Variants in ZNF667 observed in about 807,000 individuals in gnomAD.
ZNF667 encodes myocardial ischemic preconditioning upregulated 1 ortholog.
ZNF667 carries 13 observed loss-of-function variants against 31.8 expected under a neutral mutation model. The observed-to-expected ratio is 0.41, with a 90% CI of 0.27 to 0.65. The LOEUF is 0.65. ZNF667 is among the 30% of genes least tolerant of loss of function. ZNF667 has a pLI of 0.32. For missense variants in ZNF667, 642 were observed against 725.6 expected (o/e 0.88, Z 1.32); for synonymous variants, 228 against 247.1 (o/e 0.92, Z 0.73).
chr19:56,459,737 T>C (rs570863890), intron 5 of ZNF667, among the ~76,000 whole-genome samples: 2 of 152,328 alleles, frequency 1.3e-5, no homozygotes, highest in Middle Eastern at 6.8e-3. Context: ...CTCATGCCTG[T>C]AATCCCAGCA....
chr19:56,463,468 G>A (rs1024505819), intron 3 of ZNF667, among the ~76,000 whole-genome samples: 3 of 152,144 alleles, frequency 2.0e-5, no homozygotes, highest in Admixed American at 2.0e-4. Context: ...AATGCCACTA[G>A]CCACATATGA....
At chr19:56,477,922 T>G (rs1415109867), upstream of ZNF667, 1 of 152,170 alleles carries the variant, frequency 6.6e-6, no homozygotes, top group Non-Finnish European at 1.5e-5. Flanking sequence ...ACCCAGAACG[T>G]GAGGTGAAGA....
At chr19:56,455,036 C>T (rs1390994161) in intron 6 of ZNF667, among the ~76,000 whole-genome samples, 1 of 152,126 alleles carries the variant, frequency 6.6e-6, no homozygotes. Context: ...AGACATTTCT[C>T]AAAGACATAC....
intron 3 of ZNF667, among the ~76,000 whole-genome samples, chr19:56,471,177 C>T (rs1252797817): frequency 6.6e-6 from 1 of 152,102 alleles, no homozygotes; most frequent in Non-Finnish European, 1.5e-5. Flanking sequence ...CCTCTTTCTC[C>T]TGCTCCCACC....
rs112863727 is a variant in ZNF667 at position 56,456,645 on chromosome 19, T to C, written c.253+1510A>G. Among the ~76,000 whole-genome samples, 676 of 152,280 alleles carry C rather than the reference T, an allele frequency of 4.4e-3. 2 individuals are homozygous for C. The highest frequency in any genetic ancestry group is 0.015 in the African/African-American group (607 of 41,552). ...AAAGCACTTAATGCAGATACGCTGA[T>C]GTTAATAATAATAAATTAGAATCTA... On this transcript the variant is annotated intron_variant, in intron 6 of 6. Coordinates refer to ENST00000504904, the MANE Select transcript of ZNF667 (RefSeq NM_001321356.2).
In ZNF667 at chr19:56,442,750, C is replaced by A; in HGVS notation, c.254-9G>T. ...ACATTTAGACCCCGAGTCTGAAAGACATAAAGGAATTAAATGTTTCTCCTT... is the reference window on the plus strand; with the variant it reads ...ACATTTAGACCCCGAGTCTGAAAGAAATAAAGGAATTAAATGTTTCTCCTT... On this transcript the variant is annotated splice_polypyrimidine_tract_variant and intron_variant, in intron 6 of 6. Transcript: ENST00000504904. 6.6e-7 allele frequency: 1 copy of A among 1,526,296 alleles called. No individual in the cohort carries two copies. Among genetic ancestry groups the A allele is most frequent in the Non-Finnish European group, 8.7e-7 (1 of 1,144,536 alleles). The allele number at this position is 1,526,296 out of a possible 1,614,324, so 94.5% of individuals were successfully genotyped here. A position where few individuals can be genotyped will look rare whatever the true frequency, so the allele number is the denominator to read the frequency against.
intron 6 of ZNF667, among the ~76,000 whole-genome samples, chr19:56,452,092 A>G (rs2042842610): frequency 6.7e-6 from 1 of 148,624 alleles, no homozygotes; most frequent in South Asian, 2.1e-4. Flanking sequence ...CTTGTTGTCC[A>G]GGCTGGAGTG....
rs374634422 is a variant in ZNF667, at chr19:56,466,543, C to T, written c.-59-4114G>A. 3.0e-4 allele frequency among the ~76,000 whole-genome samples: 46 copies of T among 152,186 alleles called. No individual in the cohort carries two copies. The East Asian group carries it at 5.6e-3, about 19-fold the overall frequency. ...CTCTGGTGCTCTTGTTAGAGGGACC[C>T]CTGGTTACCAGGCCTCTGGTTTAAT... On this transcript the variant is annotated intron_variant, in intron 3 of 6. Transcript: ENST00000504904.
chr19:56,441,213 CCGACTAT>C lies in ZNF667; in HGVS notation c.1775_1781del (p.Tyr592Ter). On this transcript the variant is annotated frameshift_variant, in exon 7 of 7. Coordinates refer to ENST00000504904, the MANE Select transcript of ZNF667 (RefSeq NM_001321356.2). LOFTEE classifies it high-confidence loss of function. This position sits in a 1 kb window ranked among gnomAD's most constrained non-coding sequence, Gnocchi z 4.2. ...TCTGATGTCGAATCAGGGATGAACT[CCGACTAT>C]ATGCCTTCCCACATTTACTACATTC... is the stretch of plus-strand genomic sequence containing the variant. 6.2e-7 allele frequency: 1 copy of C among 1,613,998 alleles called. No homozygotes were observed. Among genetic ancestry groups the C allele is most frequent in the Non-Finnish European group, 8.5e-7 (1 of 1,179,900 alleles).
chr19:56,462,536 C>T (rs2043068825), intron 3 of ZNF667, 107 bp from the exon 4 acceptor site: 1 of 715,278 alleles, frequency 1.4e-6, no homozygotes, highest in Admixed American at 2.1e-5. Flanking sequence ...TGCACGTGCA[C>T]ACACACACAC....
At chr19:56,462,806 G>A (rs1437093863) in intron 3 of ZNF667, among the ~76,000 whole-genome samples, 1 of 152,152 alleles carries the variant, frequency 6.6e-6, no homozygotes, top group Non-Finnish European at 1.5e-5. Flanking sequence ...CATTCCAGTA[G>A]GGAAAGAAAG....
At position 56,474,027 on chromosome 19, in the gene ZNF667, C is replaced by A. The variant is rs35461173; in HGVS notation, c.-564G>T. ...TCGCACATACCACATCAAGGCAGGG[C>A]TGTAAACCTGGCTCGTCTTCCGAGT... On this transcript the variant is annotated 5_prime_UTR_variant, in exon 2 of 7. Coordinates refer to ENST00000504904, the MANE Select transcript of ZNF667 (RefSeq NM_001321356.2). 0.38 allele frequency: 58,043 copies of A among 152,058 alleles called. 11,678 individuals are homozygous for A. Among genetic ancestry groups the A allele is most frequent in the Middle Eastern group, 0.53 (155 of 294 alleles). 9.4% of individuals were successfully genotyped at this position (152,058 alleles called of 1,614,324 possible).
chr19:56,446,145 G>A (rs1201034725), intron 6 of ZNF667, among the ~76,000 whole-genome samples: 1 of 152,238 alleles, frequency 6.6e-6, no homozygotes, highest in Non-Finnish European at 1.5e-5. Flanking sequence ...TGCTTTAAAG[G>A]CAGACATTAC....
chr19:56,451,795 G>C (rs2042827605), intron 6 of ZNF667, among the ~76,000 whole-genome samples: 1 of 141,688 alleles, frequency 7.1e-6, no homozygotes, highest in African/African-American at 2.6e-5. Context: ...CTTGAGCCTA[G>C]AAGGTTGAGG....
chr19:56,457,668 C>G (rs1026166369), intron 6 of ZNF667, among the ~76,000 whole-genome samples: 3 of 152,178 alleles, frequency 2.0e-5, no homozygotes, highest in Non-Finnish European at 4.4e-5. Flanking sequence ...AGGCCTGGAG[C>G]CTTCAGTGGG....
intron 6 of ZNF667, among the ~76,000 whole-genome samples, chr19:56,451,167 G>A (rs1328978387): frequency 6.6e-6 from 1 of 151,822 alleles, no homozygotes; most frequent in African/African-American, 2.4e-5. Flanking sequence ...AACCAAAAAA[G>A]AGCAGGAGCA....
chr19:56,473,612 G>C (rs1340934843), intron 2 of ZNF667, among the ~76,000 whole-genome samples: 1 of 152,166 alleles, frequency 6.6e-6, no homozygotes, highest in Non-Finnish European at 1.5e-5. Context: ...GTCACATCTG[G>C]GAGTAGGGGT....
chr19:56,440,447 G>T lies in ZNF667; in HGVS notation c.*715C>A, dbSNP rs530147871. 3 of 290,850 alleles carry T rather than the reference G, an allele frequency of 1.0e-5. No individual in the cohort carries two copies. Among genetic ancestry groups the T allele is most frequent in the African/African-American group, 2.3e-5 (1 of 43,954 alleles). 18.0% of individuals were successfully genotyped at this position (290,850 alleles called of 1,614,324 possible). On this transcript the variant is annotated 3_prime_UTR_variant, in exon 7 of 7. Transcript: ENST00000504904. ...TTTATTCTCACCCACAAGTTTGTCA[G>T]CTGAAAGTGGCACCCTGTTTTGCCG...
intron 1 of ZNF667, among the ~76,000 whole-genome samples, chr19:56,476,120 G>T (rs1391072100): frequency 6.6e-6 from 1 of 152,162 alleles, no homozygotes; most frequent in East Asian, 1.9e-4. Flanking sequence ...GTGAACCGAG[G>T]AGTGGTGGAC....
Sources: allele counts gnomAD v4.1 joint callset (sites outside exome capture counted in the v4.1 genomes callset), GRCh38; gene constraint gnomAD v4.1.1; non-coding constraint Gnocchi (gnomAD v3.1); transcripts MANE v1.5; gene names NCBI Gene and HGNC (gene_info 2026-07-23, HGNC 2026-07-21).